The following GABRR2 variants were observed in gnomAD, a reference collection of about 807,000 sequenced individuals.
GABRR2 encodes gamma-aminobutyric acid receptor subunit rho-2.
A neutral mutation model predicts 47.0 loss-of-function variants in GABRR2; 36 were observed. The ratio of observed to expected loss-of-function variants is 0.77; its 90% confidence interval spans 0.59 to 1.01. GABRR2 has a LOEUF of 1.01. Among genes scored for constraint, GABRR2 ranks in the 50% least tolerant of loss-of-function variants. The probability of loss-of-function intolerance (pLI) is 0.00; values close to 1 mark genes in which losing one functional copy is unlikely to be tolerated. For missense variants in GABRR2, 587 were observed against 594.6 expected (o/e 0.99, Z 0.13); for synonymous variants, 204 against 227.5 (o/e 0.90, Z 0.93).
chr6:89,274,932 T>A (rs969037726), intron 2 of GABRR2, among the ~76,000 whole-genome samples: 12 of 152,072 alleles, frequency 7.9e-5, no homozygotes, highest in African/African-American at 2.9e-4. Flanking sequence ...CTCTTTGGGA[T>A]TTCTCTTCTC....
At chr6:89,268,879 C>G (rs576789300) in intron 4 of GABRR2, 132 bp downstream of exon 4, 1 of 719,052 alleles carries the variant, frequency 1.4e-6, no homozygotes, top group African/African-American at 1.8e-5. Flanking sequence ...ATAGTTCTGA[C>G]TAGCATCAGA....
chr6:89,280,709 G>A (rs1247981437), intron 2 of GABRR2, among the ~76,000 whole-genome samples: 1 of 152,224 alleles, frequency 6.6e-6, no homozygotes, highest in Non-Finnish European at 1.5e-5. Flanking sequence ...AATAAAAGGT[G>A]GAAGCCAGCA....
intron 2 of GABRR2, among the ~76,000 whole-genome samples, chr6:89,283,443 A>T (rs1774284987): frequency 6.6e-6 from 1 of 152,308 alleles, no homozygotes; most frequent in East Asian, 1.9e-4. Flanking sequence ...TGGAATAATA[A>T]ACCATTAAAA....
intron 3 of GABRR2, 62 bp from the exon 4 acceptor site, chr6:89,269,296 A>G: frequency 7.2e-6 from 9 of 1,256,006 alleles, no homozygotes; most frequent in Non-Finnish European, 1.0e-5. Context: ...CTTACAATCA[A>G]CCCACCATTC....
rs1437507195 is a variant in GABRR2, at chr6:89,256,115, T to C, written c.*1555A>G. On this transcript the variant is annotated 3_prime_UTR_variant, in exon 9 of 9. Transcript: ENST00000402938. ...TTACTAATTTAAATTTAAATAGACA[T>C]GTGGCTAGTGGCTACCATATGAGAC... Among the ~76,000 whole-genome samples the C allele has an allele frequency of 6.7e-6, 1 of 149,498 alleles. No individual in the cohort carries two copies. The highest frequency in any genetic ancestry group is 2.0e-4 in the East Asian group (1 of 5,116).
intron 7 of GABRR2, 33 bp from the exon 8 acceptor site, chr6:89,264,641 A>C: frequency 6.2e-7 from 1 of 1,611,210 alleles, no homozygotes. Context: ...GGCTGCTGAC[A>C]GCGGTCTAGA....
chr6:89,276,090 ATTAT>A (rs1364601361), intron 2 of GABRR2, among the ~76,000 whole-genome samples: 22 of 147,732 alleles, frequency 1.5e-4, no homozygotes, highest in African/African-American at 3.2e-4. Context: ...ATTATAAATC[ATTAT>A]TTATATTATA....
At chr6:89,258,759 G>A (rs1387072898) in intron 8 of GABRR2, among the ~76,000 whole-genome samples, 1 of 150,322 alleles carries the variant, frequency 6.7e-6, no homozygotes, top group East Asian at 2.0e-4. Context: ...AAAAGATGAT[G>A]AGGTAGAGAG....
chr6:89,297,964 G>C (rs149210828), intron 2 of GABRR2, among the ~76,000 whole-genome samples: 4,181 of 152,346 alleles, frequency 0.027, 91 homozygotes, highest in Middle Eastern at 0.061. Flanking sequence ...GGAGCTTCTT[G>C]CTTTTGGGGA....
rs114742572 is a variant in GABRR2 at position 89,280,474 on chromosome 6, G to A, written c.221-8752C>T. Among the ~76,000 whole-genome samples, 895 of 152,012 alleles carry A rather than the reference G, an allele frequency of 5.9e-3. 9 individuals are homozygous for A. The highest frequency in any genetic ancestry group is 0.021 in the African/African-American group (854 of 41,440). Reference sequence around the variant, plus strand: ...TTAGCACTGGTGTCTATGTCACTGAGGGTCACACTCTGCAAATCTGATTTC... The same window carrying A: ...TTAGCACTGGTGTCTATGTCACTGAAGGTCACACTCTGCAAATCTGATTTC... On this transcript the variant is annotated intron_variant, in intron 2 of 8. Coordinates refer to ENST00000402938, the MANE Select transcript of GABRR2 (RefSeq NM_002043.5).
At chr6:89,279,294 C>T (rs1447051872) in intron 2 of GABRR2, among the ~76,000 whole-genome samples, 3 of 152,052 alleles carry the variant, frequency 2.0e-5, no homozygotes, top group Non-Finnish European at 4.4e-5. Context: ...AGCGGGGAGC[C>T]CTGTGTCCAT....
chr6:89,288,919 A>G (rs1774387726), intron 2 of GABRR2, among the ~76,000 whole-genome samples: 1 of 152,232 alleles, frequency 6.6e-6, no homozygotes, highest in Non-Finnish European at 1.5e-5. Context: ...TTGGGATTGT[A>G]GGCGTAAGAC....
chr6:89,295,372 T>C (rs1046346365), intron 2 of GABRR2, among the ~76,000 whole-genome samples: 18 of 152,262 alleles, frequency 1.2e-4, no homozygotes, highest in African/African-American at 3.9e-4. Context: ...GGTTTTGATT[T>C]GCATTTCTCT....
intron 7 of GABRR2, among the ~76,000 whole-genome samples, chr6:89,264,826 T>G (rs1417196539): frequency 6.6e-6 from 1 of 152,158 alleles, no homozygotes; most frequent in Non-Finnish European, 1.5e-5. Flanking sequence ...TTCAAGCACC[T>G]GAAAGACTGG....
intron 2 of GABRR2, among the ~76,000 whole-genome samples, chr6:89,299,147 A>C (rs1774605316): frequency 6.6e-6 from 1 of 152,172 alleles, no homozygotes; most frequent in Admixed American, 6.5e-5. Context: ...CCCACTGGCC[A>C]TGCCTCCCCT....
intron 6 of GABRR2, 132 bp from the exon 7 acceptor site, chr6:89,265,897 T>A: frequency 1.2e-6 from 1 of 811,618 alleles, no homozygotes; most frequent in Non-Finnish European, 2.0e-6. Flanking sequence ...CCAGTTGGCT[T>A]AATATAATAC....
intron 3 of GABRR2, among the ~76,000 whole-genome samples, chr6:89,270,107 C>T (rs895471160): frequency 6.6e-6 from 1 of 152,212 alleles, no homozygotes; most frequent in African/African-American, 2.4e-5. Context: ...CTGATCCTGG[C>T]TCCCAGTGCA....
intron 1 of GABRR2, among the ~76,000 whole-genome samples, chr6:89,307,856 C>T (rs190240702): frequency 2.9e-4 from 38 of 133,294 alleles, no homozygotes; most frequent in East Asian, 1.7e-3. Flanking sequence ...CTTGCTCTGT[C>T]GCCAGACTGG....
intron 8 of GABRR2, 67 bp downstream of exon 8, chr6:89,264,345 G>A (rs1476981160): frequency 1.4e-5 from 21 of 1,514,202 alleles, no homozygotes; most frequent in Non-Finnish European, 1.4e-5. Context: ...TCTGCCCCCT[G>A]GCCCAGAAGA....
Sources: gnomAD v4.1 joint callset for allele counts (sites outside exome capture counted in the v4.1 genomes callset) on GRCh38, gnomAD v4.1.1 for gene constraint, MANE v1.5 for transcripts, NCBI Gene and HGNC (gene_info 2026-07-23, HGNC 2026-07-21) for gene names.